Variants in PPM1B observed in about 807,000 individuals in gnomAD.
The protein encoded by PPM1B is protein phosphatase, Mg2+/Mn2+ dependent 1B.
PPM1B carries 22 observed loss-of-function variants against 43.0 expected under a neutral mutation model. The ratio of observed to expected loss-of-function variants is 0.51; its 90% confidence interval spans 0.37 to 0.73. The LOEUF (loss-of-function observed/expected upper bound fraction) is 0.73, where lower values mean the gene tolerates loss of function less well. PPM1B is among the 30% of genes least tolerant of loss of function. PPM1B has a pLI of 0.00. For synonymous variants in PPM1B, 217 were observed against 197.9 expected, an observed-to-expected ratio of 1.10 and a Z score of -0.81; for missense variants, 632 against 584.2, an observed-to-expected ratio of 1.08 and a Z score of -0.84.
At chr2:44,221,204 G>C (rs909935867) in intron 5 of PPM1B, among the ~76,000 whole-genome samples, 3 of 152,158 alleles carry the variant, frequency 2.0e-5, no homozygotes, top group Non-Finnish European at 2.9e-5. Context: ...TCATTACATA[G>C]ATATGTGGAT....
At position 44,231,422 on chromosome 2, in the gene PPM1B, G is replaced by T; in HGVS notation, c.*704G>T. On this transcript the variant is annotated 3_prime_UTR_variant, in exon 6 of 6. Coordinates refer to ENST00000282412, the MANE Select transcript of PPM1B (RefSeq NM_002706.6). ...TGTATGTCAACCAAGTGTTTAGAAT[G>T]AAATTATAAGTGTTTAAGTCCAAAT... is the stretch of plus-strand genomic sequence containing the variant. The T allele has an allele frequency of 1.0e-6, 1 of 974,960 alleles. No homozygotes were observed. The highest frequency in any genetic ancestry group is 1.2e-6 in the Non-Finnish European group (1 of 820,454). The allele number at this position is 974,960 out of a possible 1,614,324, so 60.4% of individuals were successfully genotyped here. A position where few individuals can be genotyped will look rare whatever the true frequency, so the allele number is the denominator to read the frequency against.
chr2:44,218,550 T>G lies in PPM1B; in HGVS notation c.1134+13T>G. On this transcript the variant is annotated intron_variant, in intron 5 of 5. Transcript: ENST00000282412. ...AGAAAGTGATGGGGTAAGTTTTATT[T>G]TATTTCATAAGCATTTGAAGTAATT... 1 of 1,543,834 alleles carries G rather than the reference T, an allele frequency of 6.5e-7. No individual in the cohort carries two copies. The highest frequency in any genetic ancestry group is 1.7e-4 in the Middle Eastern group (1 of 5,846).
downstream of PPM1B, among the ~76,000 whole-genome samples, chr2:44,244,820 GAT>G (rs542334922): frequency 0.014 from 1,798 of 129,866 alleles, 34 homozygotes; most frequent in African/African-American, 0.039. Context: ...AATTACTTGA[GAT>G]ATATATATAT....
chr2:44,173,975 T>C (rs1667468668), intron 1 of PPM1B, among the ~76,000 whole-genome samples: 1 of 152,232 alleles, frequency 6.6e-6, no homozygotes, highest in Admixed American at 6.5e-5. Flanking sequence ...TTGTAATAAC[T>C]TGTTTAACCT....
intron 3 of PPM1B, among the ~76,000 whole-genome samples, chr2:44,215,917 G>C (rs1465674897): frequency 1.3e-5 from 2 of 152,134 alleles, no homozygotes; most frequent in East Asian, 1.9e-4. Context: ...GAATATCTGA[G>C]GGAAGAACAT....
chr2:44,244,842 C>T (rs960884715), downstream of PPM1B, among the ~76,000 whole-genome samples: 17 of 117,824 alleles, frequency 1.4e-4, no homozygotes, highest in East Asian at 4.9e-4. Context: ...TATATATACA[C>T]ACACACACAC....
chr2:44,201,099 G>C lies in PPM1B; in HGVS notation c.-14-87G>C. 7.5e-7 allele frequency: 1 copy of C among 1,329,368 alleles called. No individual in the cohort carries two copies. The highest frequency in any genetic ancestry group is 1.0e-6 in the Non-Finnish European group (1 of 983,302). 82.3% of individuals were successfully genotyped at this position (1,329,368 alleles called of 1,614,324 possible). ...GGATAATACTAAAAAAAATACTTGA[G>C]GTAGGAGTTACTAGACTATAGAGGG... is the stretch of plus-strand genomic sequence containing the variant. On this transcript the variant is annotated intron_variant, in intron 1 of 5. Transcript: ENST00000282412. The surrounding 1 kb of genome is among the most constrained non-coding windows in gnomAD (Gnocchi z 5.4).
At chr2:44,188,937 C>G (rs1312759574) in intron 1 of PPM1B, among the ~76,000 whole-genome samples, 2 of 151,930 alleles carry the variant, frequency 1.3e-5, no homozygotes, top group Non-Finnish European at 2.9e-5. Context: ...TGTTTTTCCC[C>G]CAAGCACTTC....
At position 44,240,738 on chromosome 2, in the gene PPM1B, T is replaced by C. The variant is rs73924243; in HGVS notation, n.1547-3490T>C. On this transcript the variant is annotated intron_variant and non_coding_transcript_variant, in intron 5 of 5. Transcript: ENST00000378540. ...CCCAAGAAGGAATAACTCCTTAGCC[T>C]ACTAGTACCCATTAGCATGAAACAG... 1.9e-3 allele frequency among the ~76,000 whole-genome samples: 280 copies of C among 145,942 alleles called. 14 individuals carry two copies. Among genetic ancestry groups the C allele is most frequent in the African/African-American group, 6.1e-3 (250 of 40,846 alleles).
At chr2:44,221,062 T>C (rs539089511) in intron 5 of PPM1B, among the ~76,000 whole-genome samples, 1 of 152,346 alleles carries the variant, frequency 6.6e-6, no homozygotes, top group Non-Finnish European at 1.5e-5. Flanking sequence ...AGCATAAGAA[T>C]GATAGATTCA....
Position 44,230,666 on chromosome 2 carries a change from T to C in PPM1B, c.1388T>C (p.Leu463Ser), listed in dbSNP as rs1670431341. Residue 463 changes from leucine to serine, a missense_variant, in exon 6 of 6, where the codon TTA (leucine) becomes TCA (serine). Leu to Ser is a moderately radical substitution (Grantham distance 145). This residue lies in a region of PPM1B where 392 missense variants were observed against 302.7 expected (regional missense o/e 1.29). Transcript: ENST00000282412. Reference protein sequence around the residue: ...HTESESGLAELDSSNEDAGTK... With the variant: ...HTESESGLAESDSSNEDAGTK... ...GAATCAGAAAGTGGTCTTGCTGAAT[T>C]AGACAGCTCTAATGAAGATGCAGGG... The C allele has an allele frequency of 5.6e-6, 9 of 1,614,022 alleles. No homozygotes were observed. The highest frequency in any genetic ancestry group is 7.6e-6 in the Non-Finnish European group (9 of 1,179,978).
chr2:44,212,607 GC>G (rs1669525420), intron 3 of PPM1B, among the ~76,000 whole-genome samples: 1 of 152,236 alleles, frequency 6.6e-6, no homozygotes, highest in East Asian at 1.9e-4. Context: ...GTTTAAATCT[GC>G]CGTCTTTCGT....
rs141584172 is a variant in PPM1B at position 44,214,525 on chromosome 2, A to G, written c.965-3442A>G. Among the ~76,000 whole-genome samples the G allele has an allele frequency of 3.9e-3, 593 of 152,288 alleles. 1 individual carries two copies. The highest frequency in any genetic ancestry group is 0.014 in the African/African-American group (569 of 41,564). On this transcript the variant is annotated intron_variant, in intron 3 of 5. Coordinates refer to ENST00000282412, the MANE Select transcript of PPM1B (RefSeq NM_002706.6). ...ATAGAATCTTGCAGTGGCAGAAAGA[A>G]ATTAAACTCAACTTGGGGTCCCATA...
At chr2:44,205,012 C>G (rs1669107322) in intron 2 of PPM1B, among the ~76,000 whole-genome samples, 1 of 152,090 alleles carries the variant, frequency 6.6e-6, no homozygotes, top group South Asian at 2.1e-4. Flanking sequence ...AAGCAACCCT[C>G]CCATTTTATT....
chr2:44,195,515 C>A (rs1353098934), intron 1 of PPM1B, among the ~76,000 whole-genome samples: 2 of 152,038 alleles, frequency 1.3e-5, no homozygotes, highest in African/African-American at 4.8e-5. Context: ...CCAGCCCAGA[C>A]ATGTATTAAA....
chr2:44,212,215 TCCTGCCTGCAG>T (rs1193631422), intron 3 of PPM1B, among the ~76,000 whole-genome samples: 1 of 152,222 alleles, frequency 6.6e-6, no homozygotes, highest in African/African-American at 2.4e-5. Context: ...CGTCTTTTTG[TCCTGCCTGCAG>T]CTATACAGTA....
chr2:44,174,657 G>A (rs1667497082), intron 1 of PPM1B, among the ~76,000 whole-genome samples: 3 of 152,214 alleles, frequency 2.0e-5, no homozygotes, highest in Admixed American at 6.5e-5. Flanking sequence ...TCAATAATAT[G>A]TAGAGTAATT....
Position 44,231,031 on chromosome 2 carries a change from A to G in PPM1B, c.*313A>G. The G allele has an allele frequency of 1.1e-6, 1 of 951,650 alleles. No homozygotes were observed. Among genetic ancestry groups the G allele is most frequent in the Non-Finnish European group, 1.3e-6 (1 of 785,684 alleles). 59.0% of individuals were successfully genotyped at this position (951,650 alleles called of 1,614,324 possible). The stretch of plus-strand genomic sequence containing the variant: ...ATAGAATTAGAAATTTTGATTAGAG[A>G]GATTATGCTATATTATGGAAAAACT... On this transcript the variant is annotated 3_prime_UTR_variant, in exon 6 of 6. Transcript: ENST00000282412.
intron 2 of PPM1B, among the ~76,000 whole-genome samples, chr2:44,203,319 A>G (rs927494970): frequency 6.6e-6 from 1 of 152,126 alleles, no homozygotes; most frequent in Non-Finnish European, 1.5e-5. Flanking sequence ...AGAAGTATTG[A>G]TGGTTGTCAG....
Sources: gnomAD v4.1 joint callset for allele counts (sites outside exome capture counted in the v4.1 genomes callset) on GRCh38, gnomAD v4.1.1 for gene constraint, gnomAD v4.1.1 regional missense constraint, Gnocchi (gnomAD v3.1) non-coding constraint, MANE v1.5 for transcripts, NCBI Gene and HGNC (gene_info 2026-07-23, HGNC 2026-07-21) for gene names.